Variants in MATN2 observed in about 807,000 individuals in gnomAD.
The protein encoded by MATN2 is matrilin 2, also known as matrilin-2.
A neutral mutation model predicts 103.2 loss-of-function variants in MATN2; 69 were observed. The observed-to-expected ratio is 0.67, with a 90% CI of 0.55 to 0.82. The LOEUF (loss-of-function observed/expected upper bound fraction) is 0.82. Among genes scored for constraint, MATN2 ranks in the 40% least tolerant of loss-of-function variants. MATN2 has a pLI of 0.00. For synonymous variants in MATN2, 429 were observed against 450.2 expected (o/e 0.95, Z 0.60); for missense variants, 1,023 against 1,211.5 (o/e 0.84, Z 2.31).
chr8:97,893,060 G>C (rs1291198119), intron 2 of MATN2, among the ~76,000 whole-genome samples: 3 of 152,180 alleles, frequency 2.0e-5, no homozygotes, highest in African/African-American at 7.2e-5. Flanking sequence ...GCTTCATTTT[G>C]CAGGGGTAGG....
At chr8:98,003,878 C>G (rs1391817163) in intron 8 of MATN2, 95 bp downstream of exon 8, 1 of 1,445,784 alleles carries the variant, frequency 6.9e-7, no homozygotes, top group African/African-American at 1.4e-5. Context: ...CTGGAGCCCA[C>G]CGGGTTTCCT....
At chr8:97,928,280 GC>G (rs1810059909) in intron 2 of MATN2, among the ~76,000 whole-genome samples, 1 of 140,188 alleles carries the variant, frequency 7.1e-6, no homozygotes, top group South Asian at 2.3e-4. Flanking sequence ...GGGCTGGAGT[GC>G]AGTGGCGCCA....
rs1223110263 is a variant in MATN2, at chr8:98,007,759, G to C, written c.1573+158G>C. Among the ~76,000 whole-genome samples the C allele has an allele frequency of 6.6e-6, 1 of 152,136 alleles. No homozygotes were observed. Among genetic ancestry groups the C allele is most frequent in the African/African-American group, 2.4e-5 (1 of 41,414 alleles). ...AGCATCTCTTAGCCATTAAGCCTTG[G>C]TGGCTGCTTCACCAACTCCCCTCAA... On this transcript the variant is annotated intron_variant, in intron 10 of 18. Coordinates refer to ENST00000254898, the MANE Select transcript of MATN2 (RefSeq NM_002380.5). The surrounding 1 kb of genome is among the most constrained non-coding windows in gnomAD (Gnocchi z 4.2).
At chr8:97,968,544 G>A (rs1163178542) in intron 5 of MATN2, among the ~76,000 whole-genome samples, 1 of 152,176 alleles carries the variant, frequency 6.6e-6, no homozygotes, top group Non-Finnish European at 1.5e-5. Flanking sequence ...CCATCAGATA[G>A]CTACCTTAGG....
intron 2 of MATN2, among the ~76,000 whole-genome samples, chr8:97,892,131 G>A (rs1449956309): frequency 1.3e-5 from 2 of 151,834 alleles, no homozygotes; most frequent in Admixed American, 1.3e-4. Flanking sequence ...CAGCTACTCC[G>A]GAGGCTGAGG....
intron 1 of MATN2, among the ~76,000 whole-genome samples, chr8:97,887,179 A>C (rs1043391014): frequency 6.6e-6 from 1 of 152,002 alleles, no homozygotes; most frequent in Non-Finnish European, 1.5e-5. Flanking sequence ...GGTGTGAGTC[A>C]CCACACCTGG....
At chr8:97,960,113 C>T (rs546336724) in intron 4 of MATN2, among the ~76,000 whole-genome samples, 3 of 152,092 alleles carry the variant, frequency 2.0e-5, no homozygotes, top group South Asian at 4.2e-4. Context: ...CGTGCCACCA[C>T]GCCAAGCTAA....
chr8:98,002,041 T>G (rs1342422470), intron 7 of MATN2, among the ~76,000 whole-genome samples: 3 of 152,304 alleles, frequency 2.0e-5, no homozygotes, highest in South Asian at 4.1e-4. Context: ...GCCCAGCCAA[T>G]GAGGTCGGTG....
At position 97,931,574 on chromosome 8, in the gene MATN2, ATTCATC is replaced by A; in HGVS notation, c.712+57_712+62del. ...CTAGAGGAACCACTAGAATTCATTC[ATTCATC>A]TTCAAGTGTTCATTCTGTGTTACTA... On this transcript the variant is annotated intron_variant, in intron 3 of 18. Coordinates refer to ENST00000254898, the MANE Select transcript of MATN2 (RefSeq NM_002380.5). The surrounding 1 kb of genome is among the most constrained non-coding windows in gnomAD (Gnocchi z 4.1). The A allele has an allele frequency of 1.3e-6, 2 of 1,482,070 alleles. No individual in the cohort carries two copies. The highest frequency in any genetic ancestry group is 1.8e-6 in the Non-Finnish European group (2 of 1,101,834). 91.8% of individuals were successfully genotyped at this position (1,482,070 alleles called of 1,614,324 possible).
chr8:97,898,647 C>T (rs1818893199), intron 2 of MATN2, among the ~76,000 whole-genome samples: 1 of 151,728 alleles, frequency 6.6e-6, no homozygotes, highest in African/African-American at 2.4e-5. Context: ...ATGTGCCAGG[C>T]ACTGTGGTAG....
intron 2 of MATN2, among the ~76,000 whole-genome samples, chr8:97,913,028 A>T (rs1809503511): frequency 6.6e-6 from 1 of 152,138 alleles, no homozygotes; most frequent in African/African-American, 2.4e-5. Flanking sequence ...CTGCCACCAG[A>T]ACTGACGTCT....
intron 7 of MATN2, among the ~76,000 whole-genome samples, chr8:98,002,120 T>A (rs1041287701): frequency 1.3e-5 from 2 of 152,200 alleles, no homozygotes; most frequent in Non-Finnish European, 2.9e-5. Flanking sequence ...CTTTTCCAGT[T>A]CTCTATCTTC....
chr8:97,965,933 G>A (rs1811463298), intron 5 of MATN2, among the ~76,000 whole-genome samples: 1 of 152,046 alleles, frequency 6.6e-6, no homozygotes, highest in Non-Finnish European at 1.5e-5. Context: ...GCAGTGAGCC[G>A]AGATCGCACC....
At chr8:97,994,055 A>G (rs1812480802) in intron 6 of MATN2, among the ~76,000 whole-genome samples, 1 of 138,492 alleles carries the variant, frequency 7.2e-6, no homozygotes, top group African/African-American at 3.4e-5. Flanking sequence ...AAAGGAAGAG[A>G]GAAAGAAAGA....
chr8:97,952,519 A>C (rs1316374404), intron 4 of MATN2, among the ~76,000 whole-genome samples: 1 of 152,088 alleles, frequency 6.6e-6, no homozygotes, highest in Non-Finnish European at 1.5e-5. Flanking sequence ...AAAGTTTCCA[A>C]GTTCTCTGGA....
intron 2 of MATN2, among the ~76,000 whole-genome samples, chr8:97,897,900 T>C (rs1331133170): frequency 6.6e-6 from 1 of 152,208 alleles, no homozygotes; most frequent in Non-Finnish European, 1.5e-5. Context: ...CAATAAGCCA[T>C]AAAGTTAAAA....
chr8:97,998,444 C>T (rs1368481293), intron 7 of MATN2, among the ~76,000 whole-genome samples: 1 of 148,520 alleles, frequency 6.7e-6, no homozygotes, highest in African/African-American at 2.5e-5. Flanking sequence ...ATGGCGTGAA[C>T]CTGGGAGGCG....
At chr8:97,994,640 C>A in intron 7 of MATN2, 38 bp downstream of exon 7, 1 of 1,588,334 alleles carries the variant, frequency 6.3e-7, no homozygotes, top group Non-Finnish European at 8.5e-7. Flanking sequence ...GCTTGTTCTG[C>A]TAAATGCTCC....
At chr8:97,879,246 T>C (rs1818174920) in intron 1 of MATN2, among the ~76,000 whole-genome samples, 1 of 152,106 alleles carries the variant, frequency 6.6e-6, no homozygotes, top group African/African-American at 2.4e-5. Flanking sequence ...TCGATGAATG[T>C]AGAATGTAGA....
Sources: allele counts gnomAD v4.1 joint callset (sites outside exome capture counted in the v4.1 genomes callset), GRCh38; gene constraint gnomAD v4.1.1; non-coding constraint Gnocchi (gnomAD v3.1); transcripts MANE v1.5; gene names NCBI Gene and HGNC (gene_info 2026-07-23, HGNC 2026-07-21).